The following CDH13 variants were observed in gnomAD, a reference collection of about 807,000 sequenced individuals.
CDH13 encodes cadherin 13.
A neutral mutation model predicts 63.8 loss-of-function variants in CDH13; 24 were observed. The observed-to-expected ratio is 0.38, with a 90% CI of 0.27 to 0.53. The LOEUF (loss-of-function observed/expected upper bound fraction) is 0.53, where lower values mean the gene tolerates loss of function less well. Among genes scored for constraint, CDH13 ranks in the 20% least tolerant of loss-of-function variants. The pLI is 0.85. For missense variants in CDH13, 1,049 were observed against 903.1 expected (o/e 1.16, Z -2.07); for synonymous variants, 503 against 355.3 (o/e 1.42, Z -4.67).
chr16:83,043,219 CT>C (rs1156903516), intron 3 of CDH13, among the ~76,000 whole-genome samples: 1 of 151,970 alleles, frequency 6.6e-6, no homozygotes, highest in Non-Finnish European at 1.5e-5. Flanking sequence ...TAACAGATTA[CT>C]TTAAGGATCA....
intron 5 of CDH13, among the ~76,000 whole-genome samples, chr16:83,240,776 G>A (rs1346087551): frequency 8.7e-6 from 1 of 115,186 alleles, no homozygotes; most frequent in Non-Finnish European, 1.6e-5. Flanking sequence ...TGTCCAAGCT[G>A]GCTTCTAACT....
chr16:83,215,579 C>T (rs1246440394), intron 4 of CDH13, among the ~76,000 whole-genome samples: 3 of 150,844 alleles, frequency 2.0e-5, no homozygotes, highest in Admixed American at 2.0e-4. Context: ...CCTTAGGCAC[C>T]ATTGCCACCT....
intron 1 of CDH13, chr16:82,705,354 A>G (rs1567645572): frequency 2.9e-6 from 1 of 350,676 alleles, no homozygotes; most frequent in Admixed American, 4.1e-5. Context: ...AGATATAACA[A>G]TTAGAATTCA....
chr16:83,055,154 A>G (rs890615160), intron 3 of CDH13, among the ~76,000 whole-genome samples: 2 of 152,108 alleles, frequency 1.3e-5, no homozygotes, highest in African/African-American at 2.4e-5. Flanking sequence ...ATGGAAATAC[A>G]ACATAACAAA....
At chr16:83,126,563 T>C (rs939835282) in intron 4 of CDH13, among the ~76,000 whole-genome samples, 1 of 152,122 alleles carries the variant, frequency 6.6e-6, no homozygotes, top group Non-Finnish European at 1.5e-5. Context: ...AAGAAAGAGA[T>C]GTGAGTCACA....
intron 7 of CDH13, among the ~76,000 whole-genome samples, chr16:83,565,777 T>C (rs1904276062): frequency 6.6e-6 from 1 of 152,218 alleles, no homozygotes; most frequent in Admixed American, 6.5e-5. Context: ...TCTTTTGTGA[T>C]AACTGATTTA....
chr16:83,032,520 C>A (rs1887467893), intron 3 of CDH13, among the ~76,000 whole-genome samples: 1 of 152,116 alleles, frequency 6.6e-6, no homozygotes, highest in Non-Finnish European at 1.5e-5. Flanking sequence ...CTCGTGGCTC[C>A]ATTTTCCTTT....
At chr16:83,402,273 C>T (rs1253551840) in intron 6 of CDH13, among the ~76,000 whole-genome samples, 1 of 152,166 alleles carries the variant, frequency 6.6e-6, no homozygotes, top group African/African-American at 2.4e-5. Flanking sequence ...ATATAGTTTG[C>T]CACCTGTCTC....
At chr16:83,440,388 A>G (rs2072445595) in intron 6 of CDH13, among the ~76,000 whole-genome samples, 3 of 152,186 alleles carry the variant, frequency 2.0e-5, no homozygotes, top group South Asian at 2.1e-4. Flanking sequence ...GCCAGAGCCC[A>G]GAAGACTCCT....
At chr16:83,395,071 C>G (rs574923631) in intron 6 of CDH13, among the ~76,000 whole-genome samples, 187 of 151,240 alleles carry the variant, frequency 1.2e-3, no homozygotes, top group African/African-American at 4.1e-3. Context: ...TTGCCTGAAC[C>G]CAGGAGGCAG....
intron 10 of CDH13, among the ~76,000 whole-genome samples, chr16:83,698,976 C>T (rs1412821699): frequency 1.3e-5 from 2 of 152,240 alleles, no homozygotes; most frequent in East Asian, 1.9e-4. Flanking sequence ...CCCCATGGTA[C>T]ACCCCTACCA....
chr16:82,946,119 C>A (rs1232258795), intron 2 of CDH13, among the ~76,000 whole-genome samples: 4 of 151,734 alleles, frequency 2.6e-5, no homozygotes, highest in Non-Finnish European at 5.9e-5. Flanking sequence ...TTGCCCTCCC[C>A]TGTGTCTTTT....
At chr16:83,162,109 G>A (rs745531713) in intron 4 of CDH13, among the ~76,000 whole-genome samples, 6 of 152,168 alleles carry the variant, frequency 3.9e-5, no homozygotes, top group South Asian at 2.1e-4. Context: ...CTTCTCAGAC[G>A]TGGCATTTAC....
chr16:82,876,395 G>A (rs925377455), intron 2 of CDH13, among the ~76,000 whole-genome samples: 31 of 152,180 alleles, frequency 2.0e-4, no homozygotes, highest in African/African-American at 5.5e-4. Context: ...GCCTGTATAC[G>A]ACATTGAAAG....
chr16:83,519,826 A>G (rs2074788070), intron 7 of CDH13, among the ~76,000 whole-genome samples: 1 of 152,162 alleles, frequency 6.6e-6, no homozygotes, highest in South Asian at 2.1e-4. Context: ...ACTGAAAAAC[A>G]TGCATGAGGA....
chr16:83,504,542 G>T (rs1415843244), intron 7 of CDH13, among the ~76,000 whole-genome samples: 2 of 152,190 alleles, frequency 1.3e-5, no homozygotes, highest in Non-Finnish European at 2.9e-5. Flanking sequence ...TGGAAAGCAG[G>T]CCAGATCTTT....
intron 1 of CDH13, among the ~76,000 whole-genome samples, chr16:82,631,353 C>G (rs975387747): frequency 1.5e-4 from 23 of 152,322 alleles, no homozygotes; most frequent in Middle Eastern, 3.4e-3. Context: ...AAGGAGATAA[C>G]CTTCCCCCTT....
chr16:83,017,017 A>C (rs750475729), intron 2 of CDH13, among the ~76,000 whole-genome samples: 4 of 152,188 alleles, frequency 2.6e-5, no homozygotes, highest in African/African-American at 9.6e-5. Flanking sequence ...AGGAACTTCA[A>C]ATCTCAAGAG....
At chr16:83,030,321 C>G (rs985374643) in intron 2 of CDH13, among the ~76,000 whole-genome samples, 25 of 152,126 alleles carry the variant, frequency 1.6e-4, no homozygotes, top group African/African-American at 6.0e-4. Flanking sequence ...TAACCCAGAT[C>G]TGCCAAATTA....
Sources: gnomAD v4.1 joint callset for allele counts (sites outside exome capture counted in the v4.1 genomes callset) on GRCh38, gnomAD v4.1.1 for gene constraint, MANE v1.5 for transcripts, NCBI Gene and HGNC (gene_info 2026-07-23, HGNC 2026-07-21) for gene names.